The following ACAD10 variants were observed in gnomAD, a reference collection of about 807,000 sequenced individuals.
The protein encoded by ACAD10 is acyl-CoA dehydrogenase family member 10.
Under a neutral mutation model 116.8 loss-of-function variants are expected in ACAD10, and 112 were observed. The observed-to-expected ratio is 0.96, with a 90% CI of 0.82 to 1.12. The LOEUF (loss-of-function observed/expected upper bound fraction) is 1.12. Among genes scored for constraint, ACAD10 ranks in the 50% most tolerant of loss-of-function variants. The pLI, the probability that ACAD10 is intolerant of heterozygous loss-of-function variation, is 0.00. For synonymous variants in ACAD10, 486 were observed against 510.6 expected (o/e 0.95, Z 0.65); for missense variants, 1,259 against 1,350.2 (o/e 0.93, Z 1.06).
chr12:111,752,655 G>A (rs1348579656), intron 18 of ACAD10: 2 of 151,844 alleles, frequency 1.3e-5, no homozygotes, highest in Non-Finnish European at 1.5e-5. Flanking sequence ...TGTGGCTCCC[G>A]TTTTTGGAAA....
chr12:111,692,805 C>A lies in ACAD10; in HGVS notation c.96C>A (p.His32Gln), dbSNP rs1888091174. ...CCCAGCGCAGGCACCAGGGGTCCCACCGATGGACACACCTTGGAGGCAGCA... is the reference window on the plus strand; with the variant it reads ...CCCAGCGCAGGCACCAGGGGTCCCAACGATGGACACACCTTGGAGGCAGCA... Reference protein sequence around the residue: ...KHTQRRHQGSHRWTHLGGSTY... With the variant: ...KHTQRRHQGSQRWTHLGGSTY... The change falls in exon 2 of 21, where the codon CAC becomes CAA. Residue 32 changes from histidine (H) to glutamine (Q), a missense_variant. Coordinates refer to ENST00000313698, the MANE Select transcript of ACAD10 (RefSeq NM_025247.6). 1 of 1,614,082 alleles carries A rather than the reference C, an allele frequency of 6.2e-7. No homozygotes were observed. Among genetic ancestry groups the A allele is most frequent in the African/African-American group, 1.3e-5 (1 of 74,920 alleles).
Position 111,748,304 on chromosome 12 carries a change from C to T in ACAD10, c.2486-13C>T. 1.2e-6 allele frequency: 2 copies of T among 1,613,992 alleles called. No homozygotes were observed. The highest frequency in any genetic ancestry group is 1.7e-6 in the Non-Finnish European group (2 of 1,179,966). ...GTCAGATGATGGGGTCTGTCTCTCT[C>T]CTTTCCTGGCAGGCATCCTGGATCC... On this transcript the variant is annotated splice_polypyrimidine_tract_variant and intron_variant, in intron 16 of 20. Coordinates refer to ENST00000313698, the MANE Select transcript of ACAD10 (RefSeq NM_025247.6).
intron 1 of ACAD10, chr12:111,691,082 TAC>T (rs1397301042): frequency 6.6e-6 from 1 of 152,226 alleles, no homozygotes; most frequent in East Asian, 1.9e-4. Flanking sequence ...CAAAAGAAGT[TAC>T]AGTGATCTCC....
intron 2 of ACAD10, among the ~76,000 whole-genome samples, chr12:111,696,763 T>C (rs1888200409): frequency 6.6e-6 from 1 of 152,150 alleles, no homozygotes; most frequent in Non-Finnish European, 1.5e-5. Flanking sequence ...AGAATGCATT[T>C]TCAGACCAAA....
At chr12:111,715,156 G>A (rs1888804957) in intron 6 of ACAD10, among the ~76,000 whole-genome samples, 1 of 152,214 alleles carries the variant, frequency 6.6e-6, no homozygotes, top group Admixed American at 6.5e-5. Context: ...GCCCACTCTG[G>A]CCAGCCAGAA....
At chr12:111,701,811 T>G (rs1888356865) in intron 2 of ACAD10, among the ~76,000 whole-genome samples, 1 of 152,190 alleles carries the variant, frequency 6.6e-6, no homozygotes. Flanking sequence ...GCTTCTTCCT[T>G]CATGTGCTTC....
In ACAD10 at chr12:111,747,142, CT is replaced by C; in HGVS notation, c.2351del (p.Leu784ArgfsTer11). On this transcript the variant is annotated frameshift_variant, in exon 15 of 21. Coordinates refer to ENST00000313698, the MANE Select transcript of ACAD10 (RefSeq NM_025247.6). LOFTEE classifies it high-confidence loss of function. The part of the protein sequence containing the change: ...AQKARWLIPL[L>X]EGKARSCFAM... ...GAAGGCTCGCTGGCTGATTCCTCTG[CT>C]GGAGGGGAAAGCCCGCTCCTGTTTT... 6.2e-7 allele frequency: 1 copy of C among 1,613,232 alleles called. No individual in the cohort carries two copies. The highest frequency in any genetic ancestry group is 8.5e-7 in the Non-Finnish European group (1 of 1,179,384).
intron 13 of ACAD10, chr12:111,745,743 T>A (rs1272325250): frequency 6.3e-6 from 1 of 158,266 alleles, no homozygotes; most frequent in Non-Finnish European, 1.4e-5. Flanking sequence ...TTCACCATGT[T>A]GTTCAGGCTG....
intron 7 of ACAD10, among the ~76,000 whole-genome samples, chr12:111,720,113 C>T (rs966107007): frequency 6.6e-6 from 1 of 152,202 alleles, no homozygotes; most frequent in Non-Finnish European, 1.5e-5. Context: ...ATCCGCCCGC[C>T]TCGGCCTCCC....
chr12:111,719,301 C>T (rs576807314), intron 7 of ACAD10, among the ~76,000 whole-genome samples: 60 of 152,090 alleles, frequency 3.9e-4, no homozygotes, highest in African/African-American at 1.3e-3. Context: ...TCACCCAGGC[C>T]GTAGTGCAGT....
intron 8 of ACAD10, among the ~76,000 whole-genome samples, chr12:111,723,297 G>C (rs1280915728): frequency 7.3e-6 from 1 of 136,742 alleles, no homozygotes; most frequent in African/African-American, 2.8e-5. Flanking sequence ...CCTCCCAGAC[G>C]GGGCGGCTGG....
intron 12 of ACAD10, among the ~76,000 whole-genome samples, chr12:111,738,372 G>C (rs2135982725): frequency 6.6e-6 from 1 of 150,438 alleles, no homozygotes; most frequent in African/African-American, 2.4e-5. Context: ...CTTGAACCTG[G>C]GACGGGGAGG....
chr12:111,706,759 T>TA (rs1291147865), intron 4 of ACAD10, among the ~76,000 whole-genome samples: 38 of 123,602 alleles, frequency 3.1e-4, no homozygotes, highest in African/African-American at 1.1e-3. Flanking sequence ...CCTATTTATT[T>TA]TTTTATATAT....
chr12:111,690,299 A>G (rs1034825855), intron 1 of ACAD10, among the ~76,000 whole-genome samples: 1 of 152,206 alleles, frequency 6.6e-6, no homozygotes, highest in African/African-American at 2.4e-5. Context: ...TGTTTCATAT[A>G]TATCTTATAC....
In ACAD10 at chr12:111,746,185, C is replaced by A. The variant is rs748867631; in HGVS notation, c.2157C>A (p.Pro719=). The A allele has an allele frequency of 6.2e-7, 1 of 1,613,844 alleles. No homozygotes were observed. Among genetic ancestry groups the A allele is most frequent in the African/African-American group, 1.3e-5 (1 of 74,862 alleles). The change falls in exon 14 of 21, where the codon CCC becomes CCA. Residue 719 remains proline, a synonymous_variant. Transcript: ENST00000313698. The part of the protein sequence containing the change: ...KAEGLWNLFL[P]LEADPEKKYG... ...AAGGACTTTGGAACCTTTTCCTACC[C>A]TTAGAGGCTGATCCCGAGAAAAAAT...
At chr12:111,720,063 C>T (rs1180277579) in intron 7 of ACAD10, among the ~76,000 whole-genome samples, 2 of 152,036 alleles carry the variant, frequency 1.3e-5, no homozygotes, top group Non-Finnish European at 2.9e-5. Flanking sequence ...GGGGTTTCGC[C>T]GTATTGGCCA....
chr12:111,699,351 G>C (rs1363385812), intron 2 of ACAD10, among the ~76,000 whole-genome samples: 1 of 152,082 alleles, frequency 6.6e-6, no homozygotes, highest in South Asian at 2.1e-4. Context: ...TGCTAAAAGA[G>C]CATAAAATAC....
At chr12:111,693,213 A>G (rs764186362) in intron 2 of ACAD10, 24 of 285,130 alleles carry the variant, frequency 8.4e-5, no homozygotes, top group Non-Finnish European at 1.6e-4. Flanking sequence ...TTCTCAATCA[A>G]TGATGAGCTG....
chr12:111,723,991 C>T (rs1276173844), intron 8 of ACAD10, among the ~76,000 whole-genome samples: 1 of 150,700 alleles, frequency 6.6e-6, no homozygotes. Context: ...AGATGATGGG[C>T]GGCCAGGCAG....
Sources: gnomAD v4.1 joint callset for allele counts (sites outside exome capture counted in the v4.1 genomes callset) on GRCh38, gnomAD v4.1.1 for gene constraint, MANE v1.5 for transcripts, NCBI Gene and HGNC (gene_info 2026-07-23, HGNC 2026-07-21) for gene names.